SPATA13: variants seen among roughly 807,000 people sequenced by gnomAD.
The protein encoded by SPATA13 is spermatogenesis-associated protein 13.
SPATA13 carries 50 observed loss-of-function variants against 104.0 expected under a neutral mutation model. The observed-to-expected ratio is 0.48, with a 90% CI of 0.38 to 0.61. The LOEUF (loss-of-function observed/expected upper bound fraction) is 0.61. SPATA13 is among the 20% of genes least tolerant of loss of function. SPATA13 has a pLI of 0.00. For missense variants in SPATA13, 1,524 were observed against 1,690.6 expected, an observed-to-expected ratio of 0.90 and a Z score of 1.73; for synonymous variants, 606 against 667.5, an observed-to-expected ratio of 0.91 and a Z score of 1.42.
chr13:24,295,418 C>T (rs1331541231), intron 10 of SPATA13, among the ~76,000 whole-genome samples: 1 of 152,044 alleles, frequency 6.6e-6, no homozygotes, highest in East Asian at 1.9e-4. Flanking sequence ...TGAGACTAGC[C>T]TGGGCAACAT....
In SPATA13 at chr13:24,223,721, C is replaced by T; in HGVS notation, c.792C>T (p.Ser264=). The part of the protein sequence containing the change: ...STDNLAFLKK[S]SFKRKSTSNL... ...ACAATCTTGCCTTTCTGAAGAAGAGCTCCTTTAAGCGGAAGTCCACCTCCA... is the reference window on the plus strand; with the variant it reads ...ACAATCTTGCCTTTCTGAAGAAGAGTTCCTTTAAGCGGAAGTCCACCTCCA... Residue 264 remains serine, a synonymous_variant, in exon 2 of 13, where the codon AGC becomes AGT. Coordinates refer to ENST00000382108, the MANE Select transcript of SPATA13 (RefSeq NM_001166271.3). 1.3e-6 allele frequency: 2 copies of T among 1,552,108 alleles called. No individual in the cohort carries two copies. The highest frequency in any genetic ancestry group is 1.7e-6 in the Non-Finnish European group (2 of 1,147,076).
chr13:24,052,978 A>C (rs890374598), intron 3 of SPATA13, among the ~76,000 whole-genome samples: 7 of 150,976 alleles, frequency 4.6e-5, no homozygotes, highest in Non-Finnish European at 8.8e-5. Flanking sequence ...TCTACCTTGC[A>C]TAACAGCTCT....
chr13:24,251,921 G>A lies in SPATA13; in HGVS notation c.2164+59G>A, dbSNP rs538101417. On this transcript the variant is annotated intron_variant, in intron 4 of 12. Coordinates refer to ENST00000382108, the MANE Select transcript of SPATA13 (RefSeq NM_001166271.3). ...CTATGGGCCCATCTGACCGTTTCCAGCTAACCTGAGGCAGCAGGTTCTGCA... is the reference window on the plus strand; with the variant it reads ...CTATGGGCCCATCTGACCGTTTCCAACTAACCTGAGGCAGCAGGTTCTGCA... The A allele has an allele frequency of 6.1e-5, 95 of 1,554,682 alleles. 1 individual carries two copies. In the South Asian group the frequency reaches 1.1e-3, roughly 19 times the overall value.
chr13:24,164,489 C>T (rs1479600943), intron 1 of SPATA13, among the ~76,000 whole-genome samples: 1 of 152,178 alleles, frequency 6.6e-6, no homozygotes, highest in African/African-American at 2.4e-5. Context: ...TCATCACTCC[C>T]TCCTAGGATG....
intron 3 of SPATA13, among the ~76,000 whole-genome samples, chr13:24,055,677 G>C (rs571094331): frequency 1.2e-4 from 19 of 152,298 alleles, no homozygotes; most frequent in African/African-American, 3.8e-4. Context: ...GACTTTACTC[G>C]CCAGGTGCCT....
At chr13:24,168,722 C>A (rs1302981636) in intron 1 of SPATA13, among the ~76,000 whole-genome samples, 1 of 152,150 alleles carries the variant, frequency 6.6e-6, no homozygotes, top group Non-Finnish European at 1.5e-5. Flanking sequence ...TCTGAAATAA[C>A]ATCCCTCCAG....
chr13:23,985,387 G>A (rs974567052), intron 2 of SPATA13, among the ~76,000 whole-genome samples: 1 of 152,244 alleles, frequency 6.6e-6, no homozygotes, highest in Non-Finnish European at 1.5e-5. Context: ...GCTGATGTGG[G>A]GGCTCAGTGG....
chr13:24,136,057 T>C (rs1881554380), intron 3 of SPATA13, among the ~76,000 whole-genome samples: 1 of 152,200 alleles, frequency 6.6e-6, no homozygotes, highest in South Asian at 2.1e-4. Flanking sequence ...CAGAATTTGC[T>C]CAGAGAGCAT....
rs560437573 is a variant in SPATA13, at chr13:24,073,799, G to A, written c.-112+56098G>A. Among the ~76,000 whole-genome samples, 5 of 152,356 alleles carry A rather than the reference G, an allele frequency of 3.3e-5. No individual in the cohort carries two copies. The East Asian group carries it at 9.6e-4, about 29-fold the overall frequency. ...AACAAGAACCTTGACTAACACCTCA[G>A]GGAGATGTGGGAGGGAGAAATAGTC... On this transcript the variant is annotated intron_variant, in intron 3 of 14. Coordinates refer to the SPATA13 transcript ENST00000424834.
At chr13:24,065,848 C>T (rs760228816) in intron 3 of SPATA13, among the ~76,000 whole-genome samples, 10 of 152,210 alleles carry the variant, frequency 6.6e-5, no homozygotes, top group Non-Finnish European at 1.0e-4. Flanking sequence ...AGTTCTAAAG[C>T]ATGGGCTCTG....
Position 24,307,051 on chromosome 13 carries a change from T to A in SPATA13, c.*4278T>A, listed in dbSNP as rs1403061822. On this transcript the variant is annotated 3_prime_UTR_variant, in exon 13 of 13. Transcript: ENST00000382108. ...GAATCTATATTTGTTGTTTTGTATA[T>A]TAAAATTCATTTGCCAAACTCGTTC... 1 of 152,242 alleles carries A rather than the reference T, an allele frequency of 6.6e-6. No homozygotes were observed. The highest frequency in any genetic ancestry group is 2.4e-5 in the African/African-American group (1 of 41,460). 9.4% of individuals were successfully genotyped at this position (152,242 alleles called of 1,614,324 possible). A position where few individuals can be genotyped will look rare whatever the true frequency, so the allele number is the denominator to read the frequency against.
chr13:24,028,538 CTTTT>C (rs970265602), intron 3 of SPATA13, among the ~76,000 whole-genome samples: 1 of 152,116 alleles, frequency 6.6e-6, no homozygotes, highest in African/African-American at 2.4e-5. Context: ...GCTTTGAAAT[CTTTT>C]TTTGACTTTG....
chr13:24,174,701 C>A (rs553595579), intron 1 of SPATA13, among the ~76,000 whole-genome samples: 1 of 152,242 alleles, frequency 6.6e-6, no homozygotes, highest in Admixed American at 6.5e-5. Flanking sequence ...CTCAGTCTCC[C>A]AAGTAGCTGG....
intron 2 of SPATA13, among the ~76,000 whole-genome samples, chr13:24,002,686 T>C (rs932647839): frequency 2.6e-5 from 4 of 152,124 alleles, no homozygotes; most frequent in Non-Finnish European, 5.9e-5. Context: ...GTCCGGCTCC[T>C]TGAGGAAGGA....
intron 2 of SPATA13, among the ~76,000 whole-genome samples, chr13:24,014,879 A>ATTTTTTTTTTTT (rs10566756): frequency 8.9e-5 from 7 of 78,698 alleles, no homozygotes; most frequent in Non-Finnish European, 1.2e-4. Context: ...CACTTTCTGG[A>ATTTTTTTTTTTT]TTTTTTTTTT....
At chr13:24,158,056 C>A (rs151168536), upstream of SPATA13, among the ~76,000 whole-genome samples, 1 of 152,198 alleles carries the variant, frequency 6.6e-6, no homozygotes, top group East Asian at 1.9e-4. Flanking sequence ...TTATGTGGAA[C>A]AACAACAAAA....
At chr13:24,135,842 A>G (rs1287870325) in intron 3 of SPATA13, among the ~76,000 whole-genome samples, 1 of 152,180 alleles carries the variant, frequency 6.6e-6, no homozygotes, top group East Asian at 1.9e-4. Context: ...AATGCTTGCA[A>G]GCTTAGGATC....
chr13:24,072,825 CTTTTT>C (rs11353469), intron 3 of SPATA13, among the ~76,000 whole-genome samples: 3 of 120,646 alleles, frequency 2.5e-5, no homozygotes, highest in East Asian at 2.3e-4. Flanking sequence ...CTGTTGGCTC[CTTTTT>C]TTTTTTTTTT....
At chr13:24,251,215 A>G (rs2252068) in intron 3 of SPATA13, among the ~76,000 whole-genome samples, 128,514 of 152,148 alleles carry the variant, frequency 0.84, 54,701 homozygotes, top group East Asian at 0.93. Flanking sequence ...CAGCTCCACA[A>G]ATCCTTACTG....
Sources: gnomAD v4.1 joint callset for allele counts (sites outside exome capture counted in the v4.1 genomes callset) on GRCh38, gnomAD v4.1.1 for gene constraint, MANE v1.5 for transcripts, NCBI Gene and HGNC (gene_info 2026-07-23, HGNC 2026-07-21) for gene names.